NBEA: variants seen among roughly 807,000 people sequenced by gnomAD.
NBEA encodes neurobeachin, also known as lysosomal-trafficking regulator 2.
In NBEA, 44 loss-of-function variants were observed where a neutral mutation model predicts 343.4. The ratio of observed to expected loss-of-function variants is 0.13; its 90% CI spans 0.10 to 0.16. The LOEUF is 0.16. NBEA is among the 10% of genes least tolerant of loss of function. The pLI, the probability that NBEA is intolerant of heterozygous loss-of-function variation, is 1.00. For synonymous variants in NBEA, 1,175 were observed against 1,238.7 expected, an observed-to-expected ratio of 0.95 and a Z score of 1.08; for missense variants, 2,555 against 3,631.3, an observed-to-expected ratio of 0.70 and a Z score of 7.62.
intron 34 of NBEA, among the ~76,000 whole-genome samples, chr13:35,233,889 A>C (rs2152771892): frequency 6.6e-6 from 1 of 152,308 alleles, no homozygotes; most frequent in South Asian, 2.1e-4. Flanking sequence ...TGAAGTTTAA[A>C]GAGAGTGGTC....
chr13:35,316,045 T>A (rs1287243230), intron 36 of NBEA, among the ~76,000 whole-genome samples: 1 of 152,048 alleles, frequency 6.6e-6, no homozygotes, highest in South Asian at 2.1e-4. Flanking sequence ...AAGTTTCTTT[T>A]CCATGTGTTT....
chr13:35,230,583 A>G (rs2152769055), intron 33 of NBEA, among the ~76,000 whole-genome samples: 1 of 152,244 alleles, frequency 6.6e-6, no homozygotes, highest in East Asian at 1.9e-4. Context: ...TTCTTAGTAG[A>G]GGGAATTAGT....
intron 1 of NBEA, among the ~76,000 whole-genome samples, chr13:34,950,883 G>T (rs2059329715): frequency 6.6e-6 from 1 of 152,086 alleles, no homozygotes; most frequent in African/African-American, 2.4e-5. Flanking sequence ...GAGCCAGGGA[G>T]TTCAAGACCA....
intron 26 of NBEA, among the ~76,000 whole-genome samples, chr13:35,172,806 C>G (rs1230595260): frequency 2.0e-5 from 3 of 152,080 alleles, no homozygotes; most frequent in Non-Finnish European, 1.5e-5. Flanking sequence ...AACCACACAG[C>G]TCCAAACTGG....
intron 40 of NBEA, among the ~76,000 whole-genome samples, chr13:35,454,213 A>T (rs568329551): frequency 3.7e-4 from 56 of 152,342 alleles, no homozygotes; most frequent in Middle Eastern, 3.4e-3. Context: ...ATGAAGGGCC[A>T]CAGAAATATG....
chr13:35,640,378 C>T (rs2083888558), intron 49 of NBEA, among the ~76,000 whole-genome samples: 1 of 152,116 alleles, frequency 6.6e-6, no homozygotes, highest in Admixed American at 6.5e-5. Context: ...TAGAGGACAC[C>T]TTCTCTAAAT....
In NBEA at chr13:35,171,334, C is replaced by T; in HGVS notation, c.4305C>T (p.Leu1435=). ...CAGCTGAGACAGCAGTAACTTTCCT[C>T]AGCCGGCTGATGGCTATGGTTGATG... ...GMSAETAVTF[L]SRLMAMVDVL... is the part of the protein sequence containing the mutation. The change falls in exon 26 of 59, where the codon CTC becomes CTT. Residue 1435 remains leucine, a synonymous_variant. Transcript: ENST00000379939. 1.2e-6 allele frequency: 2 copies of T among 1,612,482 alleles called. No homozygotes were observed. The highest frequency in any genetic ancestry group is 1.7e-6 in the Non-Finnish European group (2 of 1,178,872).
At chr13:35,239,947 G>A (rs564792508) in intron 34 of NBEA, among the ~76,000 whole-genome samples, 2 of 151,792 alleles carry the variant, frequency 1.3e-5, no homozygotes, top group South Asian at 2.1e-4. Context: ...AAGAGCTCAG[G>A]AGCTAACTTA....
At chr13:35,308,540 G>A (rs9600469) in intron 35 of NBEA, among the ~76,000 whole-genome samples, 124 of 74,148 alleles carry the variant, frequency 1.7e-3, no homozygotes, top group African/African-American at 4.7e-3. Flanking sequence ...ATGTATATAT[G>A]TATATATATG....
At chr13:34,946,344 A>G (rs2059183051) in intron 1 of NBEA, among the ~76,000 whole-genome samples, 1 of 152,148 alleles carries the variant, frequency 6.6e-6, no homozygotes, top group Admixed American at 6.5e-5. Context: ...CACTTAACAT[A>G]TGTTTATATA....
intron 41 of NBEA, among the ~76,000 whole-genome samples, chr13:35,495,597 A>G (rs567977921): frequency 6.6e-6 from 1 of 152,088 alleles, no homozygotes; most frequent in South Asian, 2.1e-4. Context: ...AAAAATCATA[A>G]GTCAAACCAT....
chr13:35,046,571 T>A (rs945101501), intron 4 of NBEA, among the ~76,000 whole-genome samples: 1 of 152,164 alleles, frequency 6.6e-6, no homozygotes, highest in African/African-American at 2.4e-5. Flanking sequence ...ATATAATACA[T>A]ACTATGGTTT....
intron 34 of NBEA, among the ~76,000 whole-genome samples, chr13:35,278,482 A>G (rs1269319858): frequency 6.6e-6 from 1 of 152,232 alleles, no homozygotes; most frequent in Non-Finnish European, 1.5e-5. Flanking sequence ...TCTACAAGAT[A>G]AAACCCCGTG....
chr13:34,988,422 G>A (rs779183684), intron 1 of NBEA, among the ~76,000 whole-genome samples: 1 of 151,136 alleles, frequency 6.6e-6, no homozygotes, highest in Non-Finnish European at 1.5e-5. Flanking sequence ...AGAGGTAGCC[G>A]GCCTTGCTGA....
chr13:35,237,454 C>T (rs939406385), intron 34 of NBEA, among the ~76,000 whole-genome samples: 12 of 152,196 alleles, frequency 7.9e-5, no homozygotes, highest in African/African-American at 2.7e-4. Flanking sequence ...GTTCTTCGCT[C>T]TCCTTCTGTT....
intron 39 of NBEA, among the ~76,000 whole-genome samples, chr13:35,443,951 G>C (rs2045866831): frequency 6.6e-6 from 1 of 151,782 alleles, no homozygotes; most frequent in South Asian, 2.1e-4. Flanking sequence ...TGTTTCTTAA[G>C]GAAGGACGCA....
At chr13:35,171,101 C>T (rs1346680351) in intron 25 of NBEA, 171 bp from the exon 26 acceptor site, 12 of 753,588 alleles carry the variant, frequency 1.6e-5, no homozygotes, top group African/African-American at 5.1e-5. Flanking sequence ...GTAAAGTAAC[C>T]GAATTTGGTA....
intron 41 of NBEA, among the ~76,000 whole-genome samples, chr13:35,484,389 G>A: frequency 6.6e-6 from 1 of 151,708 alleles, no homozygotes; most frequent in South Asian, 2.1e-4. Flanking sequence ...TAAACAAAAT[G>A]TATAACTCTT....
intron 1 of NBEA, among the ~76,000 whole-genome samples, chr13:34,969,377 T>C (rs961630413): frequency 1.6e-4 from 24 of 152,086 alleles, no homozygotes; most frequent in Admixed American, 1.4e-3. Context: ...CTTGATAGTT[T>C]TATTTTTTAT....
Sources: allele counts gnomAD v4.1 joint callset (sites outside exome capture counted in the v4.1 genomes callset), GRCh38; gene constraint gnomAD v4.1.1; transcripts MANE v1.5; gene names NCBI Gene and HGNC (gene_info 2026-07-23, HGNC 2026-07-21).